OSBP2: variants seen among roughly 807,000 people sequenced by gnomAD.
OSBP2 encodes the protein oxysterol-binding protein 2.
Under a neutral mutation model 96.0 loss-of-function variants are expected in OSBP2, and 66 were observed. That is an observed-to-expected ratio of 0.69 (90% confidence interval 0.56 to 0.84). The LOEUF is 0.84. Among genes scored for constraint, OSBP2 ranks in the 40% least tolerant of loss-of-function variants. The probability of loss-of-function intolerance (pLI) is 0.00; values close to 1 mark genes in which losing one functional copy is unlikely to be tolerated. For missense variants in OSBP2, 1,038 were observed against 1,222.7 expected (o/e 0.85, Z 2.25); for synonymous variants, 525 against 520.9 (o/e 1.01, Z -0.11).
intron 1 of OSBP2, among the ~76,000 whole-genome samples, chr22:30,697,061 C>T (rs1457621751): frequency 2.0e-5 from 3 of 152,140 alleles, no homozygotes; most frequent in Non-Finnish European, 4.4e-5. Flanking sequence ...ATTCTGAACA[C>T]CAACATCTGG....
chr22:30,701,749 G>T (rs1008720247), intron 1 of OSBP2, among the ~76,000 whole-genome samples: 1 of 152,162 alleles, frequency 6.6e-6, no homozygotes, highest in Non-Finnish European at 1.5e-5. Flanking sequence ...TGCAGGGTTA[G>T]TCCTCACATA....
chr22:30,901,890 A>C (rs2040204619), intron 12 of OSBP2, among the ~76,000 whole-genome samples: 1 of 152,154 alleles, frequency 6.6e-6, no homozygotes. Context: ...ACAATCACAT[A>C]GTCATAACCC....
At chr22:30,818,131 C>A (rs2091102802) in intron 2 of OSBP2, among the ~76,000 whole-genome samples, 1 of 152,204 alleles carries the variant, frequency 6.6e-6, no homozygotes, top group Admixed American at 6.5e-5. Flanking sequence ...CTCCTAGGCT[C>A]AAGCAATCTG....
intron 2 of OSBP2, among the ~76,000 whole-genome samples, chr22:30,746,645 A>G (rs898610786): frequency 2.0e-5 from 3 of 151,694 alleles, no homozygotes; most frequent in South Asian, 2.1e-4. Context: ...ACCTACCACC[A>G]CACCCGGCTA....
intron 1 of OSBP2, among the ~76,000 whole-genome samples, chr22:30,734,983 GA>G (rs1398983091): frequency 6.6e-6 from 1 of 152,172 alleles, no homozygotes; most frequent in Non-Finnish European, 1.5e-5. Context: ...TTGAGCTCAG[GA>G]GTTCAAGACC....
At chr22:30,899,316 A>C (rs1001956119) in intron 12 of OSBP2, among the ~76,000 whole-genome samples, 4 of 151,144 alleles carry the variant, frequency 2.6e-5, no homozygotes, top group Admixed American at 2.6e-4. Context: ...TGAGGCAGGA[A>C]GGTTACTTGA....
chr22:30,750,669 C>T (rs1198073040), intron 2 of OSBP2, among the ~76,000 whole-genome samples: 12 of 152,216 alleles, frequency 7.9e-5, no homozygotes, highest in Non-Finnish European at 2.9e-5. Flanking sequence ...GCTTCATCTG[C>T]GTGATAAAAC....
At chr22:30,838,980 TC>T (rs2147026067) in intron 2 of OSBP2, among the ~76,000 whole-genome samples, 1 of 41,498 alleles carries the variant, frequency 2.4e-5, no homozygotes, top group East Asian at 9.9e-4. Flanking sequence ...ATCTCCCCCC[TC>T]CCCCCACCCT....
rs531873173 is a variant in OSBP2 at position 30,707,610 on chromosome 22, G to A, written c.644+12057G>A. Among the ~76,000 whole-genome samples the A allele has an allele frequency of 2.0e-5, 3 of 151,544 alleles. No individual in the cohort carries two copies. In the South Asian group the frequency reaches 6.3e-4, roughly 32 times the overall value. On this transcript the variant is annotated intron_variant, in intron 1 of 13. Coordinates refer to ENST00000332585, the MANE Select transcript of OSBP2 (RefSeq NM_030758.4). ...GCGGGCCCTGTAGTCCCAGCTACTC[G>A]GGAGGCTGAGGCAGAGGAATGGCGT...
chr22:30,823,976 GA>G (rs1317224632), intron 2 of OSBP2, among the ~76,000 whole-genome samples: 3 of 152,182 alleles, frequency 2.0e-5, no homozygotes, highest in African/African-American at 7.2e-5. Flanking sequence ...GTTTTAAAAA[GA>G]AAAGACATTG....
At chr22:30,857,016 CT>C (rs761989447) in intron 2 of OSBP2, among the ~76,000 whole-genome samples, 8 of 152,214 alleles carry the variant, frequency 5.3e-5, no homozygotes, top group Non-Finnish European at 8.8e-5. Flanking sequence ...AAGCAACTTC[CT>C]TCCTGAATGT....
At chr22:30,841,205 G>T (rs2038747499) in intron 2 of OSBP2, among the ~76,000 whole-genome samples, 2 of 152,026 alleles carry the variant, frequency 1.3e-5, no homozygotes, top group South Asian at 4.2e-4. Flanking sequence ...AAAAAATAAA[G>T]TGTACAATGT....
At chr22:30,765,094 G>A (rs778355346) in intron 2 of OSBP2, among the ~76,000 whole-genome samples, 6 of 152,054 alleles carry the variant, frequency 3.9e-5, no homozygotes, top group Non-Finnish European at 5.9e-5. Context: ...GGGCCTCACC[G>A]TGTTGCCCAT....
intron 2 of OSBP2, among the ~76,000 whole-genome samples, chr22:30,836,587 A>G (rs2147019458): frequency 6.6e-6 from 1 of 152,210 alleles, no homozygotes; most frequent in Middle Eastern, 3.4e-3. Context: ...GCCAAACCGG[A>G]GATATTTCGG....
chr22:30,898,184 A>T (rs2040108549), intron 12 of OSBP2, among the ~76,000 whole-genome samples: 1 of 152,032 alleles, frequency 6.6e-6, no homozygotes, highest in Non-Finnish European at 1.5e-5. Flanking sequence ...CTACCAAAAA[A>T]AAATTTTTTT....
intron 2 of OSBP2, among the ~76,000 whole-genome samples, chr22:30,829,270 C>T (rs958002183): frequency 3.3e-5 from 5 of 152,140 alleles, no homozygotes; most frequent in African/African-American, 1.2e-4. Context: ...TCCTCAAGAC[C>T]CTTTACCCCT....
At chr22:30,843,083 C>T (rs544584871) in intron 2 of OSBP2, among the ~76,000 whole-genome samples, 11 of 152,282 alleles carry the variant, frequency 7.2e-5, no homozygotes, top group Admixed American at 7.2e-4. Flanking sequence ...CGCACCCGGC[C>T]TGCAATTCAG....
intron 2 of OSBP2, among the ~76,000 whole-genome samples, chr22:30,786,852 G>A (rs2090596936): frequency 6.6e-6 from 1 of 152,130 alleles, no homozygotes; most frequent in Non-Finnish European, 1.5e-5. Context: ...AGGCTGGAGT[G>A]CAATGGTGCA....
At chr22:30,806,751 A>G (rs2090934160) in intron 2 of OSBP2, among the ~76,000 whole-genome samples, 1 of 152,048 alleles carries the variant, frequency 6.6e-6, no homozygotes, top group African/African-American at 2.4e-5. Context: ...AGGGACCTCC[A>G]TGGACCCTAG....
Sources: gnomAD v4.1 joint callset for allele counts (sites outside exome capture counted in the v4.1 genomes callset) on GRCh38, gnomAD v4.1.1 for gene constraint, MANE v1.5 for transcripts, NCBI Gene and HGNC (gene_info 2026-07-23, HGNC 2026-07-21) for gene names.